Variants in STK32A observed in about 807,000 individuals in gnomAD.
The protein encoded by STK32A is serine/threonine-protein kinase 32A.
A neutral mutation model predicts 53.2 loss-of-function variants in STK32A; 41 were observed. The ratio of observed to expected loss-of-function variants is 0.77; its 90% CI spans 0.60 to 1.00. STK32A has a LOEUF of 1.00. Among genes scored for constraint, STK32A ranks in the 50% least tolerant of loss-of-function variants. STK32A has a pLI of 0.00. For synonymous variants in STK32A, 166 were observed against 162.8 expected (o/e 1.02, Z -0.15); for missense variants, 458 against 485.8 (o/e 0.94, Z 0.54).
chr5:147,376,329 T>C (rs1032962272), intron 11 of STK32A, among the ~76,000 whole-genome samples: 2 of 152,152 alleles, frequency 1.3e-5, no homozygotes, highest in Admixed American at 6.5e-5. Flanking sequence ...TCTTGCATAT[T>C]GCTTGTCTCT....
At chr5:147,265,129 ATTTTATATAT>A (rs1561679382) in intron 2 of STK32A, among the ~76,000 whole-genome samples, 48 of 131,856 alleles carry the variant, frequency 3.6e-4, no homozygotes, top group African/African-American at 1.4e-3. Context: ...TATATATACA[ATTTTATATAT>A]TTTTATATAT....
At chr5:147,397,572 A>C in the STK32A span, 7 of 1,299,814 alleles carry the variant, frequency 5.4e-6, no homozygotes, top group African/African-American at 1.5e-5. Context: ...GTGAGAGTCT[A>C]GAGATCACAG....
At chr5:147,359,630 T>C (rs1756403453) in intron 7 of STK32A, among the ~76,000 whole-genome samples, 2 of 152,154 alleles carry the variant, frequency 1.3e-5, no homozygotes, top group Admixed American at 6.5e-5. Flanking sequence ...GACTATCTGA[T>C]ATGACTTGTT....
the STK32A span, chr5:147,401,504 C>T: frequency 5.7e-6 from 9 of 1,578,940 alleles, no homozygotes; most frequent in East Asian, 6.8e-5. Flanking sequence ...GAGATGTTTT[C>T]ACAAAACGCC....
chr5:147,364,983 C>T lies in STK32A; in HGVS notation c.660+3369C>T, dbSNP rs145548725. On this transcript the variant is annotated intron_variant, in intron 8 of 12. Coordinates refer to ENST00000397936, the MANE Select transcript of STK32A (RefSeq NM_001112724.2). ...TGACTTTAGGAGCTTGTTTATCCCA[C>T]AGAACTAAAGAATTGGGTATCTCAA... Among the ~76,000 whole-genome samples the T allele has an allele frequency of 5.7e-4, 87 of 152,294 alleles. 1 individual carries two copies. The highest frequency in any genetic ancestry group is 1.0e-3 in the Non-Finnish European group (68 of 68,016).
At chr5:147,313,323 G>A (rs2081276) in intron 4 of STK32A, among the ~76,000 whole-genome samples, 26,590 of 152,062 alleles carry the variant, frequency 0.17, 2,781 homozygotes, top group Middle Eastern at 0.23. Context: ...GCCAAAAACC[G>A]GGAAACAACC....
At chr5:147,286,043 G>A (rs531005665) in intron 4 of STK32A, among the ~76,000 whole-genome samples, 1 of 152,072 alleles carries the variant, frequency 6.6e-6, no homozygotes, top group African/African-American at 2.4e-5. Context: ...CAATCAATGA[G>A]TGGATAAAGA....
At chr5:147,251,088 G>C (rs544017566) in intron 2 of STK32A, among the ~76,000 whole-genome samples, 1 of 152,136 alleles carries the variant, frequency 6.6e-6, no homozygotes, top group Admixed American at 6.5e-5. Context: ...TTTTTAAGAT[G>C]AGGTACTAGA....
intron 2 of STK32A, among the ~76,000 whole-genome samples, chr5:147,271,646 C>T (rs912584678): frequency 6.6e-6 from 1 of 152,082 alleles, no homozygotes; most frequent in Non-Finnish European, 1.5e-5. Flanking sequence ...GAGGGTGGGC[C>T]TCTAAAATGG....
In STK32A at chr5:147,386,138, T is replaced by C. The variant is rs775110737; in HGVS notation, c.*2155T>C. ...ACATAATTAAAAGCCAGCTCTTTTG[T>C]TGTTTGTTTGATTCCTTTTCCCTAC... On this transcript the variant is annotated 3_prime_UTR_variant, in exon 13 of 13. Coordinates refer to ENST00000397936, the MANE Select transcript of STK32A (RefSeq NM_001112724.2). 15 of 152,178 alleles carry C rather than the reference T, an allele frequency of 9.9e-5. No individual in the cohort carries two copies. The highest frequency in any genetic ancestry group is 2.1e-4 in the Non-Finnish European group (14 of 68,034). 9.4% of individuals were successfully genotyped at this position (152,178 alleles called of 1,614,324 possible).
rs1199517860 is a variant in STK32A at position 147,324,051 on chromosome 5, G to C, written c.414G>C (p.Gln138His). 1.2e-6 allele frequency: 2 copies of C among 1,606,756 alleles called. No individual in the cohort carries two copies. Among genetic ancestry groups the C allele is most frequent in the South Asian group, 2.2e-5 (2 of 89,350 alleles). ...CELVMALDYL[Q>H]NQRIIHRDMK... is the part of the protein sequence containing the mutation. Reference sequence around the variant, plus strand: ...TGGTCATGGCCCTGGACTACCTGCAGAACCAGCGCATCATTCACAGGTCAG... The same window carrying C: ...TGGTCATGGCCCTGGACTACCTGCACAACCAGCGCATCATTCACAGGTCAG... Residue 138 changes from glutamine (Q) to histidine (H), a missense_variant, in exon 5 of 13, where the codon CAG (glutamine) becomes CAC (histidine). Physicochemically the swap from Gln to His is conservative, Grantham distance 24. Transcript: ENST00000397936.
chr5:147,279,821 A>T (rs1444580283), intron 4 of STK32A, among the ~76,000 whole-genome samples: 1 of 152,164 alleles, frequency 6.6e-6, no homozygotes, highest in Non-Finnish European at 1.5e-5. Context: ...TAATGAGTGT[A>T]TGATGAGGTC....
At chr5:147,372,771 A>T (rs1757056020) in intron 9 of STK32A, among the ~76,000 whole-genome samples, 1 of 152,182 alleles carries the variant, frequency 6.6e-6, no homozygotes, top group African/African-American at 2.4e-5. Context: ...GAAATGTATC[A>T]ACATTTGTCA....
At chr5:147,246,654 A>G (rs915867399) in intron 2 of STK32A, among the ~76,000 whole-genome samples, 1 of 152,190 alleles carries the variant, frequency 6.6e-6, no homozygotes, top group African/African-American at 2.4e-5. Context: ...ACATCTTTCC[A>G]TTTATTTTTC....
At chr5:147,361,787 C>G (rs193228965) in intron 8 of STK32A, among the ~76,000 whole-genome samples, 173 bp downstream of exon 8, 2 of 152,120 alleles carry the variant, frequency 1.3e-5, no homozygotes. Context: ...TCATTTGTCC[C>G]GCATATGGGA....
chr5:147,316,650 G>A (rs1754001306), intron 4 of STK32A, among the ~76,000 whole-genome samples: 1 of 152,054 alleles, frequency 6.6e-6, no homozygotes, highest in African/African-American at 2.4e-5. Context: ...AAAGACTTCA[G>A]TTCAAGACCA....
At chr5:147,317,329 T>TTA (rs1213093161) in intron 4 of STK32A, among the ~76,000 whole-genome samples, 43 of 126,494 alleles carry the variant, frequency 3.4e-4, no homozygotes, top group African/African-American at 1.1e-3. Context: ...CTTTCTTTTT[T>TTA]TTTTTTTTTT....
chr5:147,237,147 C>A (rs1580967205), intron 1 of STK32A, among the ~76,000 whole-genome samples: 1 of 152,114 alleles, frequency 6.6e-6, no homozygotes, highest in East Asian at 1.9e-4. Flanking sequence ...CCCATCTCTA[C>A]TAAAAATACA....
chr5:147,280,727 G>T (rs768769555), intron 4 of STK32A, among the ~76,000 whole-genome samples: 1 of 151,988 alleles, frequency 6.6e-6, no homozygotes, highest in Non-Finnish European at 1.5e-5. Flanking sequence ...AAAACAAAGG[G>T]CATATAATCT....
Sources: gnomAD v4.1 joint callset for allele counts (sites outside exome capture counted in the v4.1 genomes callset) on GRCh38, gnomAD v4.1.1 for gene constraint, MANE v1.5 for transcripts, NCBI Gene and HGNC (gene_info 2026-07-23, HGNC 2026-07-21) for gene names.